The following GRID2 variants were observed in gnomAD, a reference collection of about 807,000 sequenced individuals.
GRID2 encodes the protein glutamate receptor ionotropic, delta-2.
Under a neutral mutation model 114.8 loss-of-function variants are expected in GRID2, and 33 were observed. That is an observed-to-expected ratio of 0.29 (90% confidence interval 0.22 to 0.38). The LOEUF (loss-of-function observed/expected upper bound fraction) is 0.38, where lower values mean the gene tolerates loss of function less well. Ranked by LOEUF, GRID2 falls within the 10% of genes least tolerant of loss-of-function variation. The pLI, the probability that GRID2 is intolerant of heterozygous loss-of-function variation, is 1.00. For missense variants in GRID2, 1,184 were observed against 1,257.7 expected, an observed-to-expected ratio of 0.94 and a Z score of 0.89; for synonymous variants, 505 against 449.9, an observed-to-expected ratio of 1.12 and a Z score of -1.55.
At chr4:92,559,411 C>T (rs1455356432) in intron 1 of GRID2, among the ~76,000 whole-genome samples, 4 of 152,018 alleles carry the variant, frequency 2.6e-5, no homozygotes, top group East Asian at 1.9e-4. Context: ...GGGATATTTG[C>T]GTTATACTTA....
At chr4:93,339,187 T>C (rs899834726) in intron 8 of GRID2, among the ~76,000 whole-genome samples, 1 of 152,204 alleles carries the variant, frequency 6.6e-6, no homozygotes, top group Admixed American at 6.5e-5. Context: ...GTGACTGTTA[T>C]GGGTTGAATT....
intron 13 of GRID2, among the ~76,000 whole-genome samples, chr4:93,596,050 G>A (rs1186404354): frequency 6.6e-6 from 1 of 152,278 alleles, no homozygotes; most frequent in East Asian, 1.9e-4. Context: ...CTGTGTGGCA[G>A]AACTGGGTTC....
At chr4:93,469,258 T>A (rs2149431868) in intron 11 of GRID2, among the ~76,000 whole-genome samples, 1 of 152,196 alleles carries the variant, frequency 6.6e-6, no homozygotes, top group Non-Finnish European at 1.5e-5. Flanking sequence ...CTGGGAAGAA[T>A]AAATGCTATT....
chr4:92,922,148 G>C (rs190434137), intron 2 of GRID2, among the ~76,000 whole-genome samples: 1 of 152,338 alleles, frequency 6.6e-6, no homozygotes, highest in Non-Finnish European at 1.5e-5. Context: ...CTCTGAGCCA[G>C]GTGCGGGATA....
chr4:93,109,927 T>G (rs2149350540), intron 3 of GRID2, among the ~76,000 whole-genome samples: 1 of 152,280 alleles, frequency 6.6e-6, no homozygotes, highest in South Asian at 2.1e-4. Context: ...GATTGAATTT[T>G]ACTTTTCTTA....
intron 2 of GRID2, among the ~76,000 whole-genome samples, chr4:93,043,853 T>A (rs964502095): frequency 4.6e-5 from 7 of 152,016 alleles, no homozygotes; most frequent in African/African-American, 1.7e-4. Context: ...ACATGGCACA[T>A]GTATACATAT....
At chr4:92,452,927 TAGAG>T (rs923712803) in intron 1 of GRID2, among the ~76,000 whole-genome samples, 2 of 128,874 alleles carry the variant, frequency 1.6e-5, no homozygotes, top group Middle Eastern at 3.4e-3. Flanking sequence ...ATATGATACA[TAGAG>T]ATAGACTGAC....
At chr4:92,549,875 A>C (rs1726488188) in intron 1 of GRID2, among the ~76,000 whole-genome samples, 1 of 152,164 alleles carries the variant, frequency 6.6e-6, no homozygotes, top group Non-Finnish European at 1.5e-5. Context: ...AATGTAATCT[A>C]GTAACTCTTT....
intron 1 of GRID2, among the ~76,000 whole-genome samples, chr4:93,790,168 T>C (rs1012065682): frequency 6.7e-6 from 1 of 148,852 alleles, no homozygotes; most frequent in African/African-American, 2.5e-5. Flanking sequence ...ACAAAACCTG[T>C]CCCTGGTGCC....
At chr4:93,209,846 T>C (rs966697050) in intron 5 of GRID2, among the ~76,000 whole-genome samples, 2 of 152,152 alleles carry the variant, frequency 1.3e-5, no homozygotes, top group Non-Finnish European at 2.9e-5. Context: ...ATTTCTCTAA[T>C]GATCAGCGAT....
intron 8 of GRID2, among the ~76,000 whole-genome samples, chr4:93,282,679 A>G (rs1259464649): frequency 6.6e-6 from 1 of 152,036 alleles, no homozygotes; most frequent in Admixed American, 6.6e-5. Context: ...GACACATTCA[A>G]ATCATAGTAC....
At chr4:92,308,851 C>G (rs1042065882) in intron 1 of GRID2, among the ~76,000 whole-genome samples, 3 of 151,322 alleles carry the variant, frequency 2.0e-5, no homozygotes, top group African/African-American at 7.3e-5. Context: ...TATCCTTTTT[C>G]TACTTATAGT....
chr4:93,755,956 G>C (rs544400732), intron 14 of GRID2, among the ~76,000 whole-genome samples: 1 of 152,266 alleles, frequency 6.6e-6, no homozygotes, highest in South Asian at 2.1e-4. Context: ...ATGAAAGCTT[G>C]TATATGAAGA....
chr4:92,671,705 T>C (rs949638695), intron 2 of GRID2, among the ~76,000 whole-genome samples: 13 of 152,118 alleles, frequency 8.5e-5, no homozygotes, highest in African/African-American at 3.1e-4. Context: ...AAATGTACAA[T>C]GTACTGGATA....
intron 1 of GRID2, among the ~76,000 whole-genome samples, chr4:92,456,438 C>G (rs905928972): frequency 6.6e-6 from 1 of 151,972 alleles, no homozygotes; most frequent in South Asian, 2.1e-4. Flanking sequence ...AGACTTGATA[C>G]GTGAGAGACT....
At chr4:92,876,643 A>G (rs1339593115) in intron 2 of GRID2, among the ~76,000 whole-genome samples, 3 of 152,164 alleles carry the variant, frequency 2.0e-5, no homozygotes, top group Non-Finnish European at 2.9e-5. Flanking sequence ...CAGTTCAGCT[A>G]TATCAGTGCA....
intron 11 of GRID2, among the ~76,000 whole-genome samples, chr4:93,458,974 G>A (rs1723464211): frequency 6.6e-6 from 1 of 151,980 alleles, no homozygotes; most frequent in South Asian, 2.1e-4. Flanking sequence ...GAGGTCAGGA[G>A]TTCGAGACCA....
chr4:92,428,239 G>A lies in GRID2; in HGVS notation c.88+123495G>A, dbSNP rs374960476. 6.4e-4 allele frequency among the ~76,000 whole-genome samples: 98 copies of A among 152,124 alleles called. 1 individual carries two copies. The South Asian group carries it at 0.013, about 21-fold the overall frequency. ...ATCACGCCACTGCACTCCAGCCTGG[G>A]CAACAGAACGAGACTCCTCACAAAG... is the stretch of plus-strand genomic sequence containing the variant. On this transcript the variant is annotated intron_variant, in intron 1 of 15. Transcript: ENST00000282020.
At position 93,765,915 on chromosome 4, in the gene GRID2, G is replaced by A. The variant is rs190824290; in HGVS notation, c.2361-3295G>A. ...TTGTACCCAAGGAAATGTCTGGAAT[G>A]AAGTCATTCTTCAACTGTTTATTAA... On this transcript the variant is annotated intron_variant, in intron 14 of 15. Coordinates refer to ENST00000282020, the MANE Select transcript of GRID2 (RefSeq NM_001510.4). Among the ~76,000 whole-genome samples, 163 of 152,204 alleles carry A rather than the reference G, an allele frequency of 1.1e-3. 1 individual carries two copies. In the Middle Eastern group the frequency reaches 0.024, roughly 22 times the overall value.
Sources: allele counts gnomAD v4.1 joint callset (sites outside exome capture counted in the v4.1 genomes callset), GRCh38; gene constraint gnomAD v4.1.1; transcripts MANE v1.5; gene names NCBI Gene and HGNC (gene_info 2026-07-23, HGNC 2026-07-21).